SMIM35: variants seen among roughly 807,000 people sequenced by gnomAD.
SMIM35 encodes the protein small integral membrane protein 35.
chr11:118,020,587 G>T (rs1340409442), intron 1 of SMIM35, among the ~76,000 whole-genome samples: 1 of 152,090 alleles, frequency 6.6e-6, no homozygotes, highest in East Asian at 1.9e-4. Flanking sequence ...GTCCCTTAAA[G>T]GTTTGGTACT....
chr11:118,069,868 C>A (rs1310021744), intron 1 of SMIM35, among the ~76,000 whole-genome samples: 2 of 152,106 alleles, frequency 1.3e-5, no homozygotes, highest in Non-Finnish European at 2.9e-5. Context: ...TCGAGACTAG[C>A]CTGGTCAACA....
chr11:118,022,176 G>C (rs972616215), intron 1 of SMIM35, among the ~76,000 whole-genome samples: 3 of 151,514 alleles, frequency 2.0e-5, no homozygotes, highest in Non-Finnish European at 4.4e-5. Flanking sequence ...TCAGCCTCCC[G>C]AGTAGCTGGG....
intron 1 of SMIM35, among the ~76,000 whole-genome samples, chr11:118,077,577 C>T (rs530981321): frequency 2.6e-5 from 4 of 152,332 alleles, no homozygotes; most frequent in Non-Finnish European, 5.9e-5. Flanking sequence ...CTATTCTTTC[C>T]TGAATCCTGC....
chr11:118,028,201 GACA>G (rs762884482), intron 1 of SMIM35, among the ~76,000 whole-genome samples: 13 of 152,122 alleles, frequency 8.5e-5, no homozygotes, highest in African/African-American at 2.7e-4. Context: ...AGTCAGTGTA[GACA>G]ACATCGTCTC....
chr11:118,007,344 G>C (rs143702238), intron 4 of SMIM35, among the ~76,000 whole-genome samples: 1 of 152,292 alleles, frequency 6.6e-6, no homozygotes, highest in East Asian at 1.9e-4. Context: ...GGGGCTCAGA[G>C]AGCTTGCGCT....
At chr11:118,074,748 GAA>G (rs55685115) in intron 1 of SMIM35, among the ~76,000 whole-genome samples, 38,407 of 135,536 alleles carry the variant, frequency 0.28, 5,676 homozygotes, top group Non-Finnish European at 0.35. Context: ...CCCTGTCTCA[GAA>G]AAAAAAAAAA....
chr11:118,085,226 CT>C (rs67063759), intron 1 of SMIM35, among the ~76,000 whole-genome samples: 46,388 of 141,616 alleles, frequency 0.33, 7,948 homozygotes, highest in Non-Finnish European at 0.41. Context: ...TCTTCTTCTT[CT>C]TTTTTTTTTT....
At chr11:118,018,653 T>A (rs1253845194) in intron 1 of SMIM35, among the ~76,000 whole-genome samples, 3 of 152,120 alleles carry the variant, frequency 2.0e-5, no homozygotes, top group Admixed American at 1.3e-4. Flanking sequence ...AAGTAGGAAA[T>A]ACCAGTAGGA....
chr11:118,084,189 T>A (rs1945368917), intron 1 of SMIM35, among the ~76,000 whole-genome samples: 1 of 152,200 alleles, frequency 6.6e-6, no homozygotes, highest in African/African-American at 2.4e-5. Context: ...AAACTGAGTT[T>A]CTTGGTGGTT....
chr11:118,069,693 T>C (rs1368371723), intron 1 of SMIM35, among the ~76,000 whole-genome samples: 1 of 151,976 alleles, frequency 6.6e-6, no homozygotes, highest in Non-Finnish European at 1.5e-5. Context: ...AAGGAGAGGG[T>C]ATTAGGCCAC....
At chr11:118,059,563 T>C (rs1025680348) in intron 1 of SMIM35, 2 of 152,286 alleles carry the variant, frequency 1.3e-5, no homozygotes, top group African/African-American at 4.8e-5. Flanking sequence ...AGTTGGCTGC[T>C]GTTGTTAAAA....
At chr11:118,079,913 G>C (rs977506645) in intron 1 of SMIM35, among the ~76,000 whole-genome samples, 5 of 152,200 alleles carry the variant, frequency 3.3e-5, no homozygotes, top group Non-Finnish European at 5.9e-5. Context: ...AGGTCCTAAA[G>C]GGCAAGACAG....
At chr11:118,077,339 GA>G in intron 1 of SMIM35, 1 of 1,583,714 alleles carries the variant, frequency 6.3e-7, no homozygotes, top group Non-Finnish European at 8.6e-7. Flanking sequence ...CAAGACACAG[GA>G]AGGGTGGGTC....
intron 1 of SMIM35, among the ~76,000 whole-genome samples, chr11:118,026,538 A>G (rs2058274985): frequency 6.6e-6 from 1 of 152,266 alleles, no homozygotes; most frequent in South Asian, 2.1e-4. Context: ...TCTTGCCAGA[A>G]TAAATTTCTT....
chr11:118,067,781 G>A (rs1259888100), intron 1 of SMIM35, among the ~76,000 whole-genome samples: 10 of 145,938 alleles, frequency 6.9e-5, no homozygotes, highest in African/African-American at 2.5e-4. Flanking sequence ...GCAGTGAGCC[G>A]AGATCACGCC....
intron 1 of SMIM35, among the ~76,000 whole-genome samples, chr11:118,056,031 G>C (rs1257833441): frequency 6.6e-6 from 1 of 151,990 alleles, no homozygotes; most frequent in Non-Finnish European, 1.5e-5. Flanking sequence ...GGAAGAAGAG[G>C]CTCTAGGCTG....
At chr11:118,074,765 A>AG (rs1944629278) in intron 1 of SMIM35, among the ~76,000 whole-genome samples, 1 of 134,508 alleles carries the variant, frequency 7.4e-6, no homozygotes, top group East Asian at 2.3e-4. Flanking sequence ...AAAAAAAAAA[A>AG]GAATGTGGGT....
At chr11:118,008,121 T>A (rs60918290) in intron 4 of SMIM35, among the ~76,000 whole-genome samples, 2,081 of 152,142 alleles carry the variant, frequency 0.014, 41 homozygotes, top group African/African-American at 0.047. Flanking sequence ...CCACCCGCCT[T>A]GGCTTCCCAA....
intron 1 of SMIM35, among the ~76,000 whole-genome samples, chr11:118,048,797 C>T (rs989363902): frequency 5.3e-5 from 8 of 151,418 alleles, no homozygotes; most frequent in Admixed American, 1.3e-4. Context: ...CAGGCCATCC[C>T]GGAAGAGATG....
Sources: allele counts gnomAD v4.1 joint callset (sites outside exome capture counted in the v4.1 genomes callset), GRCh38; gene constraint gnomAD v4.1.1; transcripts MANE v1.5; gene names NCBI Gene and HGNC (gene_info 2026-07-23, HGNC 2026-07-21).